Variants in ADAMTSL1 observed in about 807,000 individuals in gnomAD.
The protein encoded by ADAMTSL1 is ADAMTS like 1, also known as ADAMTS-like protein 1.
ADAMTSL1 carries 126 observed loss-of-function variants against 201.8 expected under a neutral mutation model. The ratio of observed to expected loss-of-function variants is 0.62; its 90% CI spans 0.54 to 0.72. The LOEUF (loss-of-function observed/expected upper bound fraction) is 0.72. Among genes scored for constraint, ADAMTSL1 ranks in the 30% least tolerant of loss-of-function variants. The pLI, the probability that ADAMTSL1 is intolerant of heterozygous loss-of-function variation, is 0.00. For missense variants in ADAMTSL1, 2,679 were observed against 2,277.8 expected (o/e 1.18, Z -3.59); for synonymous variants, 1,121 against 903.4 (o/e 1.24, Z -4.32).
At chr9:18,289,086 C>G (rs1217789310) in intron 2 of ADAMTSL1, among the ~76,000 whole-genome samples, 1 of 151,676 alleles carries the variant, frequency 6.6e-6, no homozygotes, top group East Asian at 1.9e-4. Context: ...GAAATAGAAC[C>G]AAAAAGATAT....
At chr9:18,682,831 A>T (rs534115687) in intron 12 of ADAMTSL1, among the ~76,000 whole-genome samples, 2 of 152,160 alleles carry the variant, frequency 1.3e-5, no homozygotes, top group East Asian at 3.9e-4. Flanking sequence ...TAAATTAATG[A>T]TATAAAAGGA....
chr9:18,876,975 G>A (rs1030878504), intron 23 of ADAMTSL1, among the ~76,000 whole-genome samples: 4 of 151,940 alleles, frequency 2.6e-5, no homozygotes, highest in African/African-American at 9.7e-5. Context: ...TGTCAGATTG[G>A]GTTAATTCAA....
chr9:18,067,423 T>A (rs1351979712), intron 1 of ADAMTSL1, among the ~76,000 whole-genome samples: 1 of 152,236 alleles, frequency 6.6e-6, no homozygotes, highest in African/African-American at 2.4e-5. Flanking sequence ...CTAGAGGGCC[T>A]TTTGCCATAT....
At chr9:18,432,291 T>A (rs1347309190) in intron 2 of ADAMTSL1, among the ~76,000 whole-genome samples, 1 of 152,218 alleles carries the variant, frequency 6.6e-6, no homozygotes. Flanking sequence ...CTAGTTTCTA[T>A]AGACCTACTA....
chr9:18,096,598 C>T (rs1361975301), intron 1 of ADAMTSL1, among the ~76,000 whole-genome samples: 1 of 152,184 alleles, frequency 6.6e-6, no homozygotes, highest in African/African-American at 2.4e-5. Flanking sequence ...AGAATGGACT[C>T]ATAGGAGCAA....
chr9:18,298,075 T>C (rs1354267457), intron 2 of ADAMTSL1, among the ~76,000 whole-genome samples: 1 of 152,230 alleles, frequency 6.6e-6, no homozygotes, highest in African/African-American at 2.4e-5. Context: ...AATTGGAATC[T>C]GCCACAACCA....
chr9:18,398,926 T>A (rs1233505246), intron 2 of ADAMTSL1, among the ~76,000 whole-genome samples: 1 of 152,132 alleles, frequency 6.6e-6, no homozygotes, highest in African/African-American at 2.4e-5. Context: ...ATAATGTAGA[T>A]GGTACAATGT....
chr9:18,170,391 C>T (rs1052399321), intron 2 of ADAMTSL1, among the ~76,000 whole-genome samples: 3 of 151,744 alleles, frequency 2.0e-5, no homozygotes, highest in African/African-American at 7.3e-5. Context: ...CTACATTTGG[C>T]AATATAGAGC....
chr9:18,588,109 C>G (rs934118402), intron 4 of ADAMTSL1, among the ~76,000 whole-genome samples: 6 of 152,104 alleles, frequency 3.9e-5, no homozygotes. Flanking sequence ...AAGTGTTTCT[C>G]TTACTTTGCA....
intron 3 of ADAMTSL1, among the ~76,000 whole-genome samples, chr9:18,558,444 C>G (rs200439994): frequency 2.0e-5 from 3 of 152,012 alleles, no homozygotes; most frequent in African/African-American, 7.2e-5. Context: ...AGTCTCTGCT[C>G]TTGTGAACAG....
At chr9:18,696,175 G>A (rs1006202772) in intron 13 of ADAMTSL1, among the ~76,000 whole-genome samples, 2 of 152,168 alleles carry the variant, frequency 1.3e-5, no homozygotes, top group African/African-American at 4.8e-5. Flanking sequence ...ATTTGGACAG[G>A]GACACAAATC....
chr9:18,604,316 A>C (rs578027705), intron 4 of ADAMTSL1, among the ~76,000 whole-genome samples: 1 of 152,328 alleles, frequency 6.6e-6, no homozygotes, highest in Non-Finnish European at 1.5e-5. Context: ...AGGCTTGAGG[A>C]AAGTTAGTCT....
chr9:17,989,726 T>C (rs1819073343), intron 1 of ADAMTSL1, among the ~76,000 whole-genome samples: 1 of 151,982 alleles, frequency 6.6e-6, no homozygotes, highest in Non-Finnish European at 1.5e-5. Context: ...TATTTACTTG[T>C]TTTAATGGGT....
intron 1 of ADAMTSL1, among the ~76,000 whole-genome samples, chr9:17,932,271 G>T (rs892895906): frequency 6.6e-6 from 1 of 152,182 alleles, no homozygotes; most frequent in African/African-American, 2.4e-5. Context: ...GTTGAGACCT[G>T]GGTTGGCAAT....
intron 2 of ADAMTSL1, among the ~76,000 whole-genome samples, chr9:18,292,576 C>G (rs1833316695): frequency 1.3e-5 from 2 of 152,132 alleles, no homozygotes; most frequent in Admixed American, 6.5e-5. Context: ...ATCTAATCAG[C>G]TGCCAGTGTG....
chr9:18,474,438 A>T, intron 1 of ADAMTSL1, 143 bp downstream of exon 1: 1 of 854,310 alleles, frequency 1.2e-6, no homozygotes, highest in Non-Finnish European at 1.9e-6. Flanking sequence ...GATTACAAAG[A>T]GAGAATACTC....
chr9:17,990,567 C>G (rs1166530943), intron 1 of ADAMTSL1, among the ~76,000 whole-genome samples: 1 of 151,760 alleles, frequency 6.6e-6, no homozygotes, highest in Non-Finnish European at 1.5e-5. Context: ...ACTTATTGAC[C>G]TTATTTATTG....
chr9:18,533,261 G>C lies in ADAMTSL1; in HGVS notation c.206G>C (p.Arg69Thr), dbSNP rs761875588. The C allele has an allele frequency of 1.9e-6, 3 of 1,606,612 alleles. No individual in the cohort carries two copies. Among genetic ancestry groups the C allele is most frequent in the Middle Eastern group, 1.7e-4 (1 of 5,936 alleles). The change falls in exon 3 of 29, where the codon AGA becomes ACA. Residue 69 changes from arginine (R) to threonine (T), a missense_variant. Coordinates refer to ENST00000380548, the MANE Select transcript of ADAMTSL1 (RefSeq NM_001040272.6). ...RCLSSKSCEG[R>T]NIRYRTCSNV... is the part of the protein sequence containing the mutation. ...TTGCAACTTAGGAGCTGTGAAGGAAGAAATATCCGATACAGAACATGCAGT... is the reference window on the plus strand; with the variant it reads ...TTGCAACTTAGGAGCTGTGAAGGAACAAATATCCGATACAGAACATGCAGT...
At chr9:18,292,842 C>T (rs1008781940) in intron 2 of ADAMTSL1, among the ~76,000 whole-genome samples, 3 of 152,184 alleles carry the variant, frequency 2.0e-5, no homozygotes, top group Non-Finnish European at 4.4e-5. Flanking sequence ...TTCCTTGTTC[C>T]TCAACTTGCA....
Sources: gnomAD v4.1 joint callset for allele counts (sites outside exome capture counted in the v4.1 genomes callset) on GRCh38, gnomAD v4.1.1 for gene constraint, MANE v1.5 for transcripts, NCBI Gene and HGNC (gene_info 2026-07-23, HGNC 2026-07-21) for gene names.